ST3GAL4: variants seen among roughly 807,000 people sequenced by gnomAD.
The protein encoded by ST3GAL4 is CMP-N-acetylneuraminate-beta-galactosamide-alpha-2,3-sialyltransferase 4.
A neutral mutation model predicts 42.6 loss-of-function variants in ST3GAL4; 24 were observed. The observed-to-expected ratio is 0.56, with a 90% CI of 0.41 to 0.79. The LOEUF is 0.79. ST3GAL4 is among the 30% of genes least tolerant of loss of function. The pLI is 0.00. For missense variants in ST3GAL4, 311 were observed against 430.8 expected (o/e 0.72, Z 2.46); for synonymous variants, 135 against 163.2 (o/e 0.83, Z 1.32).
intron 1 of ST3GAL4, among the ~76,000 whole-genome samples, chr11:126,403,763 C>T (rs1954109707): frequency 6.6e-6 from 1 of 152,092 alleles, no homozygotes; most frequent in Non-Finnish European, 1.5e-5. Flanking sequence ...TGGTTCGGAG[C>T]ACTGCAACTC....
At chr11:126,372,081 A>G (rs980820564) in intron 1 of ST3GAL4, among the ~76,000 whole-genome samples, 1 of 152,172 alleles carries the variant, frequency 6.6e-6, no homozygotes, top group African/African-American at 2.4e-5. Context: ...TGACCTGTTG[A>G]CCGTCTTAAC....
In ST3GAL4 at chr11:126,379,141, C is replaced by T. The variant is rs1267409772; in HGVS notation, c.-61+23299C>T. Among the ~76,000 whole-genome samples, 1 of 152,246 alleles carries T rather than the reference C, an allele frequency of 6.6e-6. No homozygotes were observed. The highest frequency in any genetic ancestry group is 2.4e-5 in the African/African-American group (1 of 41,468). On this transcript the variant is annotated intron_variant, in intron 1 of 10. Transcript: ENST00000444328. This position sits in a 1 kb window ranked among gnomAD's most constrained non-coding sequence, Gnocchi z 4.2. ...CATAACGCCATTTTCCTGAATTGCTCACTCAAGTGTGTATGGGAGCAGGTT... is the reference window on the plus strand; with the variant it reads ...CATAACGCCATTTTCCTGAATTGCTTACTCAAGTGTGTATGGGAGCAGGTT...
At chr11:126,412,105 G>A (rs1015970494) in intron 9 of ST3GAL4, among the ~76,000 whole-genome samples, 2 of 151,780 alleles carry the variant, frequency 1.3e-5, no homozygotes, top group African/African-American at 2.4e-5. Context: ...GGTAGGGGGC[G>A]GGGGGTGGTA....
intron 1 of ST3GAL4, among the ~76,000 whole-genome samples, chr11:126,385,557 C>T (rs1056269691): frequency 5.3e-5 from 8 of 152,184 alleles, no homozygotes; most frequent in Non-Finnish European, 1.2e-4. Flanking sequence ...CCTGGTTCCA[C>T]TATTTTCGAC....
Position 126,413,534 on chromosome 11 carries a change from G to T in ST3GAL4, c.801G>T (p.Thr267=). 2 of 1,614,216 alleles carry T rather than the reference G, an allele frequency of 1.2e-6. No individual in the cohort carries two copies. The highest frequency in any genetic ancestry group is 2.2e-5 in the South Asian group (2 of 91,090). The change falls in exon 10 of 11, where the codon ACG becomes ACT. Residue 267 remains threonine, a synonymous_variant. Coordinates refer to ENST00000444328, the MANE Select transcript of ST3GAL4 (RefSeq NM_001254757.2). ...QKPTTGLLAI[T]LALHLCDLVH... is the part of the protein sequence containing the mutation. ...CCACCACGGGCCTGTTGGCCATCACGCTGGCCCTCCACCTCTGTGACTTGG... is the reference window on the plus strand; with the variant it reads ...CCACCACGGGCCTGTTGGCCATCACTCTGGCCCTCCACCTCTGTGACTTGG...
In ST3GAL4 at chr11:126,378,351, CAA is replaced by C. The variant is rs1455966260; in HGVS notation, c.-61+22514_-61+22515del. 3.9e-5 allele frequency among the ~76,000 whole-genome samples: 6 copies of C among 152,172 alleles called. No homozygotes were observed. In the East Asian group the frequency reaches 9.7e-4, roughly 24 times the overall value. On this transcript the variant is annotated intron_variant, in intron 1 of 10. Transcript: ENST00000444328. The surrounding 1 kb of genome is among the most constrained non-coding windows in gnomAD (Gnocchi z 5.3). ...GTTATGGTTTCAATTGGAGTAGGAACAAAAAACATTTCTATGAATTTGATAAA... is the reference window on the plus strand; with the variant it reads ...GTTATGGTTTCAATTGGAGTAGGAACAAAACATTTCTATGAATTTGATAAA...
At chr11:126,402,904 TTGCCCAGCA>T (rs1954069065) in intron 1 of ST3GAL4, among the ~76,000 whole-genome samples, 1 of 152,186 alleles carries the variant, frequency 6.6e-6, no homozygotes, top group African/African-American at 2.4e-5. Flanking sequence ...GGGGGCACCT[TTGCCCAGCA>T]GGTCGGGTGA....
intron 1 of ST3GAL4, among the ~76,000 whole-genome samples, chr11:126,368,788 G>A (rs116812455): frequency 6.6e-6 from 1 of 152,218 alleles, no homozygotes; most frequent in Admixed American, 6.5e-5. Flanking sequence ...CGATGCCCAG[G>A]CCTTTGCACG....
In ST3GAL4 at chr11:126,366,471, G is replaced by T. The variant is rs1333875805; in HGVS notation, c.-61+10629G>T. ...GGACCAATGTGTTTGTGCTGGAGAA[G>T]CCTGTGTAGGTTACTGACATGGGGA... On this transcript the variant is annotated intron_variant, in intron 1 of 10. Coordinates refer to ENST00000444328, the MANE Select transcript of ST3GAL4 (RefSeq NM_001254757.2). This position sits in a 1 kb window ranked among gnomAD's most constrained non-coding sequence, Gnocchi z 4.2. 6.6e-6 allele frequency among the ~76,000 whole-genome samples: 1 copy of T among 152,044 alleles called. No homozygotes were observed. The highest frequency in any genetic ancestry group is 1.5e-5 in the Non-Finnish European group (1 of 68,002).
At chr11:126,369,746 T>C (rs1952571846) in intron 1 of ST3GAL4, among the ~76,000 whole-genome samples, 1 of 152,168 alleles carries the variant, frequency 6.6e-6, no homozygotes, top group African/African-American at 2.4e-5. Flanking sequence ...CACTCATCAG[T>C]TTGAAACAGT....
intron 1 of ST3GAL4, among the ~76,000 whole-genome samples, chr11:126,402,470 G>A (rs113084201): frequency 4.8e-5 from 6 of 125,484 alleles, no homozygotes; most frequent in African/African-American, 9.6e-5. Flanking sequence ...AAAAAAAAAA[G>A]AAGAAGAAGA....
chr11:126,403,473 G>T, intron 1 of ST3GAL4: 1 of 983,548 alleles, frequency 1.0e-6, no homozygotes, highest in Non-Finnish European at 1.2e-6. Context: ...CTGCATTTTA[G>T]AATCACAGAG....
rs1161186781 is a variant in ST3GAL4, at chr11:126,379,304, G to A, written c.-61+23462G>A. ...AGTGTGGATAATGAAATTCCCTAAC[G>A]AAAATAAAAGTGTGAACCTTTTGTG... is the stretch of plus-strand genomic sequence containing the variant. On this transcript the variant is annotated intron_variant, in intron 1 of 10. Transcript: ENST00000444328. The surrounding 1 kb of genome is among the most constrained non-coding windows in gnomAD (Gnocchi z 4.2). 2.6e-5 allele frequency among the ~76,000 whole-genome samples: 4 copies of A among 152,120 alleles called. No homozygotes were observed. The highest frequency in any genetic ancestry group is 2.1e-4 in the South Asian group (1 of 4,828).
chr11:126,362,549 C>T (rs1042381501), intron 1 of ST3GAL4, among the ~76,000 whole-genome samples: 2 of 152,120 alleles, frequency 1.3e-5, no homozygotes, highest in African/African-American at 2.4e-5. Context: ...ATCCAGTGCC[C>T]GGACTCCAGC....
chr11:126,413,672 G>T (rs1555094407), intron 10 of ST3GAL4, 24 bp downstream of exon 10: 1 of 1,612,436 alleles, frequency 6.2e-7, no homozygotes, highest in Non-Finnish European at 8.5e-7. Flanking sequence ...TTGTGAGCAT[G>T]GTGGGCCAGG....
intron 1 of ST3GAL4, among the ~76,000 whole-genome samples, chr11:126,371,573 A>C (rs1024627395): frequency 1.3e-5 from 2 of 152,212 alleles, no homozygotes; most frequent in African/African-American, 2.4e-5. Context: ...AGTTAATGTT[A>C]TGTTTTCACA....
chr11:126,379,498 A>G lies in ST3GAL4; in HGVS notation c.-61+23656A>G, dbSNP rs1196356461. 4.0e-5 allele frequency among the ~76,000 whole-genome samples: 6 copies of G among 151,892 alleles called. No individual in the cohort carries two copies. Among genetic ancestry groups the G allele is most frequent in the Non-Finnish European group, 8.8e-5 (6 of 67,986 alleles). On this transcript the variant is annotated intron_variant, in intron 1 of 10. Coordinates refer to ENST00000444328, the MANE Select transcript of ST3GAL4 (RefSeq NM_001254757.2). This position sits in a 1 kb window ranked among gnomAD's most constrained non-coding sequence, Gnocchi z 4.2. ...TTATATTATTATTATTATTATTGAGACGGAGTTTCTCTCTTGTTGCCCAGG... is the reference window on the plus strand; with the variant it reads ...TTATATTATTATTATTATTATTGAGGCGGAGTTTCTCTCTTGTTGCCCAGG...
chr11:126,369,287 G>A (rs890800994), intron 1 of ST3GAL4, among the ~76,000 whole-genome samples: 11 of 151,346 alleles, frequency 7.3e-5, no homozygotes, highest in East Asian at 1.9e-4. Context: ...TACTCTTGTC[G>A]CCCAGGCTGG....
intron 1 of ST3GAL4, chr11:126,403,284 G>A: frequency 1.5e-6 from 1 of 665,316 alleles, no homozygotes; most frequent in Non-Finnish European, 1.9e-6. Flanking sequence ...CTTTACTGGG[G>A]AAGAGGTCGA....
Sources: gnomAD v4.1 joint callset for allele counts (sites outside exome capture counted in the v4.1 genomes callset) on GRCh38, gnomAD v4.1.1 for gene constraint, Gnocchi (gnomAD v3.1) non-coding constraint, MANE v1.5 for transcripts, NCBI Gene and HGNC (gene_info 2026-07-23, HGNC 2026-07-21) for gene names.